Variants in CACNA2D3 observed in about 807,000 individuals in gnomAD.
CACNA2D3 encodes calcium voltage-gated channel auxiliary subunit alpha2delta 3, also known as voltage-dependent calcium channel subunit alpha-2/delta-3.
In CACNA2D3, 60 loss-of-function variants were observed where a neutral mutation model predicts 160.6. The observed-to-expected ratio is 0.37, with a 90% CI of 0.30 to 0.46. The LOEUF is 0.46. Ranked by LOEUF, CACNA2D3 falls within the 20% of genes least tolerant of loss-of-function variation. The pLI is 1.00. For missense variants in CACNA2D3, 1,205 were observed against 1,365.0 expected (o/e 0.88, Z 1.85); for synonymous variants, 558 against 492.9 (o/e 1.13, Z -1.75).
intron 14 of CACNA2D3, among the ~76,000 whole-genome samples, chr3:54,832,049 A>ACACACACACACACACACC (rs1703892532): frequency 6.8e-6 from 1 of 147,894 alleles, no homozygotes; most frequent in Non-Finnish European, 1.5e-5. Flanking sequence ...ACACACACAC[A>ACACACACACACACACACC]CACACACGTC....
chr3:54,640,496 T>C (rs997571843), intron 10 of CACNA2D3, among the ~76,000 whole-genome samples: 2 of 152,140 alleles, frequency 1.3e-5, no homozygotes, highest in Non-Finnish European at 2.9e-5. Flanking sequence ...GACATTCTGC[T>C]CTGGCAACCA....
At chr3:54,413,338 T>C (rs898932653) in intron 4 of CACNA2D3, among the ~76,000 whole-genome samples, 18 of 150,420 alleles carry the variant, frequency 1.2e-4, no homozygotes, top group African/African-American at 3.6e-4. Context: ...TTTCTCATTA[T>C]GTTTGATTTT....
chr3:54,621,531 C>T (rs1698987661), intron 9 of CACNA2D3, among the ~76,000 whole-genome samples: 4 of 152,360 alleles, frequency 2.6e-5, no homozygotes, highest in African/African-American at 9.6e-5. Flanking sequence ...AGCCACCCTC[C>T]TCCTTTATTG....
chr3:54,781,973 C>T (rs1285846305), intron 13 of CACNA2D3, among the ~76,000 whole-genome samples: 1 of 152,134 alleles, frequency 6.6e-6, no homozygotes, highest in Non-Finnish European at 1.5e-5. Flanking sequence ...ATAGAGCTCC[C>T]AAAGTACTTA....
chr3:54,722,936 G>A (rs1035899934), intron 11 of CACNA2D3, among the ~76,000 whole-genome samples: 1 of 152,220 alleles, frequency 6.6e-6, no homozygotes, highest in African/African-American at 2.4e-5. Context: ...TGGGAGGTCT[G>A]CTGCTCTCTT....
intron 12 of CACNA2D3, among the ~76,000 whole-genome samples, chr3:54,756,787 C>G (rs1701978727): frequency 6.6e-6 from 1 of 152,110 alleles, no homozygotes; most frequent in African/African-American, 2.4e-5. Context: ...GCTAGCAGAT[C>G]TCAGACACTT....
At chr3:54,814,421 C>G (rs1703404092) in intron 13 of CACNA2D3, among the ~76,000 whole-genome samples, 1 of 152,330 alleles carries the variant, frequency 6.6e-6, no homozygotes, top group African/African-American at 2.4e-5. Flanking sequence ...TCTGGCTGGT[C>G]TGGCCCCTAG....
intron 9 of CACNA2D3, among the ~76,000 whole-genome samples, chr3:54,627,098 T>C (rs1575391413): frequency 6.6e-6 from 1 of 152,226 alleles, no homozygotes; most frequent in Non-Finnish European, 1.5e-5. Context: ...GTCTTTATCC[T>C]TGCTCCTTAG....
At chr3:54,685,485 G>C (rs1160614276) in intron 11 of CACNA2D3, among the ~76,000 whole-genome samples, 1 of 152,224 alleles carries the variant, frequency 6.6e-6, no homozygotes, top group Non-Finnish European at 1.5e-5. Flanking sequence ...GAGTGAATCA[G>C]TCAGTCAATC....
At chr3:54,935,936 C>A (rs1701317789) in intron 27 of CACNA2D3, among the ~76,000 whole-genome samples, 1 of 152,178 alleles carries the variant, frequency 6.6e-6, no homozygotes, top group African/African-American at 2.4e-5. Context: ...CAGGAATCCC[C>A]TTTGTGAGTC....
At chr3:54,801,536 G>A (rs1158493834) in intron 13 of CACNA2D3, among the ~76,000 whole-genome samples, 2 of 152,048 alleles carry the variant, frequency 1.3e-5, no homozygotes, top group African/African-American at 4.8e-5. Context: ...CTAATAATAA[G>A]AAATTTAATA....
intron 10 of CACNA2D3, chr3:54,632,277 A>C (rs1394114279): frequency 6.6e-6 from 1 of 152,214 alleles, no homozygotes; most frequent in East Asian, 1.9e-4. Context: ...CATTATTCAG[A>C]TATCTTCTTT....
chr3:54,415,831 C>T (rs1699745443), intron 4 of CACNA2D3, among the ~76,000 whole-genome samples: 1 of 152,140 alleles, frequency 6.6e-6, no homozygotes, highest in Non-Finnish European at 1.5e-5. Context: ...CTTCAAAGAC[C>T]AGTAAGCCAT....
intron 11 of CACNA2D3, among the ~76,000 whole-genome samples, chr3:54,698,906 C>G (rs1700714798): frequency 1.3e-5 from 2 of 152,112 alleles, no homozygotes; most frequent in African/African-American, 4.8e-5. Flanking sequence ...GGAGAGCGAG[C>G]AAAAGCTTGT....
chr3:54,886,741 AATAC>A (rs1699933643), intron 23 of CACNA2D3, among the ~76,000 whole-genome samples: 1 of 151,808 alleles, frequency 6.6e-6, no homozygotes, highest in Non-Finnish European at 1.5e-5. Flanking sequence ...ACTATATTAT[AATAC>A]ATACAATATG....
At chr3:54,626,927 C>G (rs1370662243) in intron 9 of CACNA2D3, among the ~76,000 whole-genome samples, 3 of 152,088 alleles carry the variant, frequency 2.0e-5, no homozygotes, top group Admixed American at 6.5e-5. Flanking sequence ...TTCTTTAGTC[C>G]CCTTTAATCT....
intron 27 of CACNA2D3, among the ~76,000 whole-genome samples, chr3:54,940,997 T>C (rs1701452152): frequency 6.6e-6 from 1 of 152,098 alleles, no homozygotes. Context: ...TAAAACCAGT[T>C]AACACATTTA....
intron 9 of CACNA2D3, among the ~76,000 whole-genome samples, chr3:54,607,316 TTTTTG>T (rs1698652057): frequency 6.6e-6 from 1 of 152,066 alleles, no homozygotes; most frequent in Non-Finnish European, 1.5e-5. Flanking sequence ...GCAGCTGGTT[TTTTTG>T]TTTTGTTTTG....
chr3:54,919,012 C>A (rs1273255190), intron 27 of CACNA2D3: 2 of 766,624 alleles, frequency 2.6e-6, no homozygotes, highest in African/African-American at 1.8e-5. Context: ...TTTTTTAAAT[C>A]CTGGAGTCAA....
Sources: gnomAD v4.1 joint callset for allele counts (sites outside exome capture counted in the v4.1 genomes callset) on GRCh38, gnomAD v4.1.1 for gene constraint, MANE v1.5 for transcripts, NCBI Gene and HGNC (gene_info 2026-07-23, HGNC 2026-07-21) for gene names.